The following CCDC91 variants were observed in gnomAD, a reference collection of about 807,000 sequenced individuals.
CCDC91 encodes coiled-coil domain-containing protein 91.
Under a neutral mutation model 63.2 loss-of-function variants are expected in CCDC91, and 48 were observed. That is an observed-to-expected ratio of 0.76 (90% CI 0.60 to 0.97). The LOEUF (loss-of-function observed/expected upper bound fraction) is 0.97, where lower values mean the gene tolerates loss of function less well. CCDC91 is among the 50% of genes least tolerant of loss of function. The pLI, the probability that CCDC91 is intolerant of heterozygous loss-of-function variation, is 0.00. For synonymous variants in CCDC91, 167 were observed against 165.8 expected, an observed-to-expected ratio of 1.01 and a Z score of -0.06; for missense variants, 500 against 494.6, an observed-to-expected ratio of 1.01 and a Z score of -0.10.
intron 6 of CCDC91, among the ~76,000 whole-genome samples, chr12:28,358,490 G>A (rs1943662396): frequency 2.0e-5 from 3 of 152,130 alleles, no homozygotes; most frequent in Admixed American, 6.5e-5. Flanking sequence ...ATATAAGGCA[G>A]CATTTAAGTT....
At chr12:28,269,763 C>T (rs1947613116) in intron 3 of CCDC91, among the ~76,000 whole-genome samples, 1 of 152,000 alleles carries the variant, frequency 6.6e-6, no homozygotes, top group Admixed American at 6.6e-5. Flanking sequence ...TTATGATATT[C>T]CTCTGAATAT....
chr12:28,359,342 G>A (rs564704872), intron 6 of CCDC91, among the ~76,000 whole-genome samples: 15 of 152,208 alleles, frequency 9.9e-5, no homozygotes, highest in South Asian at 4.2e-4. Context: ...TAATGAATTA[G>A]GCCAAATAAT....
chr12:28,285,574 C>G lies in CCDC91; in HGVS notation c.110-20075C>G, dbSNP rs1948862708. ...TAAATCGAGTTTAATGATATTGCAG[C>G]AATTTGCCAATAGGACTGGCAAAAT... On this transcript the variant is annotated intron_variant, in intron 3 of 12. Transcript: ENST00000536442. Among the ~76,000 whole-genome samples, 4 of 151,702 alleles carry G rather than the reference C, an allele frequency of 2.6e-5. No homozygotes were observed. The South Asian group carries it at 8.4e-4, about 32-fold the overall frequency.
chr12:28,197,375 A>G (rs1941855268), intron 1 of CCDC91, among the ~76,000 whole-genome samples: 1 of 152,158 alleles, frequency 6.6e-6, no homozygotes. Context: ...AGAATTACTG[A>G]TGAATTACGT....
intron 11 of CCDC91, among the ~76,000 whole-genome samples, chr12:28,453,841 C>T (rs990516168): frequency 1.2e-4 from 18 of 151,966 alleles, no homozygotes; most frequent in African/African-American, 3.1e-4. Context: ...TTTATGACCC[C>T]GAACATTCCT....
intron 1 of CCDC91, among the ~76,000 whole-genome samples, chr12:28,214,598 T>TG (rs1943447269): frequency 6.6e-6 from 1 of 152,020 alleles, no homozygotes; most frequent in Non-Finnish European, 1.5e-5. Flanking sequence ...TGTGTGTGTG[T>TG]TTGTTTTCTG....
chr12:28,549,184 A>G lies in CCDC91; in HGVS notation c.*11A>G, dbSNP rs764185440. ...GTTGACATTGAATAAAAAGAACATG[A>G]CAAACCCACACTGGCATTGGATAAA... On this transcript the variant is annotated 3_prime_UTR_variant, in exon 13 of 13. Transcript: ENST00000536442. 1 of 1,375,716 alleles carries G rather than the reference A, an allele frequency of 7.3e-7. No homozygotes were observed. The highest frequency in any genetic ancestry group is 1.2e-5 in the South Asian group (1 of 85,954). The allele number at this position is 1,375,716 out of a possible 1,614,324, so 85.2% of individuals were successfully genotyped here. A position where few individuals can be genotyped will look rare whatever the true frequency, so the allele number is the denominator to read the frequency against.
intron 7 of CCDC91, among the ~76,000 whole-genome samples, chr12:28,380,480 T>C (rs1945232305): frequency 6.6e-6 from 1 of 152,144 alleles, no homozygotes; most frequent in African/African-American, 2.4e-5. Flanking sequence ...CTGAATGTTG[T>C]AGCAATGTGA....
chr12:28,250,189 G>A (rs1946026886), intron 1 of CCDC91, among the ~76,000 whole-genome samples: 2 of 152,046 alleles, frequency 1.3e-5, no homozygotes, highest in African/African-American at 2.4e-5. Flanking sequence ...TTTTATTTTT[G>A]TTGTTACTTT....
At chr12:28,214,621 C>A (rs1169805112) in intron 1 of CCDC91, among the ~76,000 whole-genome samples, 2 of 151,952 alleles carry the variant, frequency 1.3e-5, no homozygotes, top group Non-Finnish European at 2.9e-5. Context: ...CTCTTTTATT[C>A]CCTTGTCATG....
At chr12:28,458,352 A>C (rs899668536) in intron 11 of CCDC91, among the ~76,000 whole-genome samples, 2 of 144,200 alleles carry the variant, frequency 1.4e-5, no homozygotes, top group Non-Finnish European at 3.0e-5. Context: ...TTTTTCAGTT[A>C]TAGTCATTCA....
At chr12:28,290,826 T>C (rs199949482) in intron 3 of CCDC91, among the ~76,000 whole-genome samples, 3 of 132,302 alleles carry the variant, frequency 2.3e-5, no homozygotes, top group East Asian at 4.5e-4. Flanking sequence ...CAACTCATGT[T>C]TTTTAAAAGT....
chr12:28,529,138 A>C (rs1334220997), intron 12 of CCDC91, among the ~76,000 whole-genome samples: 2 of 152,210 alleles, frequency 1.3e-5, no homozygotes, highest in Non-Finnish European at 2.9e-5. Flanking sequence ...TTATTTAAAC[A>C]TATGACATAC....
chr12:28,540,519 T>A (rs1181575105), intron 12 of CCDC91, among the ~76,000 whole-genome samples: 1 of 152,170 alleles, frequency 6.6e-6, no homozygotes, highest in African/African-American at 2.4e-5. Context: ...GAAGTTCTTA[T>A]CTGAGAAGGC....
chr12:28,413,106 C>CA (rs1947421550), intron 8 of CCDC91, among the ~76,000 whole-genome samples: 1 of 151,980 alleles, frequency 6.6e-6, no homozygotes, highest in Non-Finnish European at 1.5e-5. Flanking sequence ...CTCATTTCTC[C>CA]AAAAATCGAC....
At chr12:28,193,541 C>T (rs1391772846) in intron 1 of CCDC91, among the ~76,000 whole-genome samples, 2 of 151,242 alleles carry the variant, frequency 1.3e-5, no homozygotes, top group Non-Finnish European at 2.9e-5. Flanking sequence ...TCGGAGGTTA[C>T]AGTGAGCTAA....
chr12:28,335,185 T>C (rs1405128252), intron 6 of CCDC91, among the ~76,000 whole-genome samples: 4 of 137,366 alleles, frequency 2.9e-5, no homozygotes, highest in East Asian at 4.1e-4. Context: ...ATAATATAAA[T>C]ATTATATTTA....
intron 12 of CCDC91, among the ~76,000 whole-genome samples, chr12:28,538,938 A>T (rs551062606): frequency 6.6e-6 from 1 of 152,136 alleles, no homozygotes. Flanking sequence ...TCCTTCGCCC[A>T]CTTTTTGATG....
At chr12:28,487,711 G>T (rs979177188) in intron 12 of CCDC91, among the ~76,000 whole-genome samples, 6 of 151,276 alleles carry the variant, frequency 4.0e-5, no homozygotes, top group Admixed American at 4.0e-4. Flanking sequence ...TTAAAAGCCC[G>T]ATAGACCTTG....
Sources: gnomAD v4.1 joint callset for allele counts (sites outside exome capture counted in the v4.1 genomes callset) on GRCh38, gnomAD v4.1.1 for gene constraint, MANE v1.5 for transcripts, NCBI Gene and HGNC (gene_info 2026-07-23, HGNC 2026-07-21) for gene names.